Variants in RAB6B observed in about 807,000 individuals in gnomAD.
The protein encoded by RAB6B is RAB6B, member RAS oncogene family, also known as ras-related protein Rab-6B.
RAB6B carries 7 observed loss-of-function variants against 31.2 expected under a neutral mutation model. That is an observed-to-expected ratio of 0.22 (90% confidence interval 0.13 to 0.42). The LOEUF (loss-of-function observed/expected upper bound fraction) is 0.42. Among genes scored for constraint, RAB6B ranks in the 10% least tolerant of loss-of-function variants. The pLI, the probability that RAB6B is intolerant of heterozygous loss-of-function variation, is 1.00. For missense variants in RAB6B, 149 were observed against 280.6 expected, an observed-to-expected ratio of 0.53 and a Z score of 3.35; for synonymous variants, 105 against 104.9, an observed-to-expected ratio of 1.00 and a Z score of -0.01.
intron 1 of RAB6B, among the ~76,000 whole-genome samples, chr3:133,881,019 T>A (rs1175493913): frequency 6.6e-6 from 1 of 152,242 alleles, no homozygotes; most frequent in Non-Finnish European, 1.5e-5. Flanking sequence ...AGGCCCACTG[T>A]GTCTCTAGCC....
Position 133,864,603 on chromosome 3 carries a change from C to G in RAB6B, c.110G>C (p.Ser37Thr). ...CCTCACCTGGTATGTGTTGTCGAAG[C>G]TGTCGTACATGAACCTCGTAATCAG... ...TSLITRFMYD[S>T]FDNTYQATIG... Residue 37 changes from serine (S) to threonine (T), a missense_variant, in exon 2 of 8, where the codon AGC becomes ACC. Ser to Thr is a moderately conservative substitution (Grantham distance 58, BLOSUM62 1). Coordinates refer to ENST00000285208, the MANE Select transcript of RAB6B (RefSeq NM_016577.4). The G allele has an allele frequency of 1.9e-6, 3 of 1,614,192 alleles. No homozygotes were observed. The highest frequency in any genetic ancestry group is 2.5e-6 in the Non-Finnish European group (3 of 1,180,012).
chr3:133,846,596 A>G (rs1318456620), intron 2 of RAB6B, among the ~76,000 whole-genome samples: 2 of 152,224 alleles, frequency 1.3e-5, no homozygotes, highest in Non-Finnish European at 2.9e-5. Flanking sequence ...TGAACCTAAA[A>G]CAGGATAAAT....
intron 6 of RAB6B, among the ~76,000 whole-genome samples, chr3:133,836,715 T>G (rs996930964): frequency 2.6e-5 from 4 of 152,056 alleles, no homozygotes; most frequent in African/African-American, 9.7e-5. Flanking sequence ...CAGTCTCTCC[T>G]GCATGCCCCC....
At position 133,895,614 on chromosome 3, in the gene RAB6B, G is replaced by A; in HGVS notation, c.-148C>T. The A allele has an allele frequency of 1.4e-6, 1 of 710,916 alleles. No individual in the cohort carries two copies. The highest frequency in any genetic ancestry group is 2.3e-6 in the Non-Finnish European group (1 of 425,712). The allele number at this position is 710,916 out of a possible 1,614,324, so 44.0% of individuals were successfully genotyped here. A position where few individuals can be genotyped will look rare whatever the true frequency, so the allele number is the denominator to read the frequency against. On this transcript the variant is annotated 5_prime_UTR_variant, in exon 1 of 8. It adds an upstream start codon to the 5' untranslated region. Transcript: ENST00000285208. ...CGCGCGTCCCTGACTCCCCAGCTGC[G>A]TCCCGGTCCCGGCCTGCGGCTGCGT...
chr3:133,844,892 A>T (rs560866313), intron 2 of RAB6B, among the ~76,000 whole-genome samples: 1 of 152,100 alleles, frequency 6.6e-6, no homozygotes, highest in African/African-American at 2.4e-5. Flanking sequence ...GCAGTGAGCC[A>T]TGATGACACT....
chr3:133,853,163 A>T (rs1020922904), intron 2 of RAB6B, among the ~76,000 whole-genome samples: 12 of 151,964 alleles, frequency 7.9e-5, no homozygotes, highest in African/African-American at 2.7e-4. Context: ...ATTTCCTGTG[A>T]CCTGCCACAG....
At chr3:133,872,551 A>G (rs1346076799) in intron 1 of RAB6B, among the ~76,000 whole-genome samples, 1 of 152,232 alleles carries the variant, frequency 6.6e-6, no homozygotes, top group Admixed American at 6.5e-5. Flanking sequence ...CACCAAACAG[A>G]AAGTCCAGCC....
chr3:133,839,482 G>A, intron 5 of RAB6B, 24 bp downstream of exon 5: 1 of 1,573,512 alleles, frequency 6.4e-7, no homozygotes, highest in Non-Finnish European at 8.7e-7. Context: ...GTGGCACCCT[G>A]CACCTGTGTG....
intron 1 of RAB6B, among the ~76,000 whole-genome samples, chr3:133,891,153 C>T (rs1936632945): frequency 6.6e-6 from 1 of 152,124 alleles, no homozygotes; most frequent in African/African-American, 2.4e-5. Context: ...ATGGGTCAGG[C>T]TGCGGGCAGA....
At chr3:133,875,927 C>G (rs1006402127) in intron 1 of RAB6B, among the ~76,000 whole-genome samples, 1 of 152,186 alleles carries the variant, frequency 6.6e-6, no homozygotes, top group African/African-American at 2.4e-5. Context: ...AGAGGCAGTA[C>G]TATCCGGCAT....
intron 1 of RAB6B, among the ~76,000 whole-genome samples, chr3:133,874,515 G>C (rs1256995156): frequency 6.6e-6 from 1 of 152,240 alleles, no homozygotes; most frequent in Non-Finnish European, 1.5e-5. Flanking sequence ...CATAGGACTG[G>C]AAGTCGTTCT....
intron 4 of RAB6B, among the ~76,000 whole-genome samples, chr3:133,840,011 C>G (rs755442928): frequency 6.6e-6 from 1 of 151,978 alleles, no homozygotes; most frequent in African/African-American, 2.4e-5. Context: ...CACACATGCG[C>G]GCGCGACTTG....
At chr3:133,848,988 C>T (rs1482826816) in intron 2 of RAB6B, among the ~76,000 whole-genome samples, 1 of 152,178 alleles carries the variant, frequency 6.6e-6, no homozygotes, top group African/African-American at 2.4e-5. Context: ...ATTCTATGGA[C>T]TCATTCCCTC....
At chr3:133,861,084 G>A (rs1936154579) in intron 2 of RAB6B, among the ~76,000 whole-genome samples, 2 of 152,200 alleles carry the variant, frequency 1.3e-5, no homozygotes, top group African/African-American at 2.4e-5. Context: ...ATGAGTACAG[G>A]TTTCACACAG....
chr3:133,886,935 G>A (rs1313804314), intron 1 of RAB6B, among the ~76,000 whole-genome samples: 1 of 150,748 alleles, frequency 6.6e-6, no homozygotes, highest in Non-Finnish European at 1.5e-5. Context: ...CACAGGTGGT[G>A]CCATTGCACA....
At chr3:133,893,186 C>A (rs1936659967) in intron 1 of RAB6B, among the ~76,000 whole-genome samples, 1 of 152,238 alleles carries the variant, frequency 6.6e-6, no homozygotes, top group Admixed American at 6.5e-5. Flanking sequence ...TGGACAGAAG[C>A]AACCCTTACT....
chr3:133,858,971 T>G (rs1936121177), intron 2 of RAB6B, among the ~76,000 whole-genome samples: 1 of 152,162 alleles, frequency 6.6e-6, no homozygotes, highest in Non-Finnish European at 1.5e-5. Context: ...TATGTATGTA[T>G]GTATTTATTA....
intron 6 of RAB6B, among the ~76,000 whole-genome samples, chr3:133,837,885 A>G (rs1014973427): frequency 6.6e-6 from 1 of 151,994 alleles, no homozygotes; most frequent in Admixed American, 6.6e-5. Flanking sequence ...GTGGCTGGAC[A>G]CTCTTAGGGC....
chr3:133,830,986 G>T (rs1229484200), intron 7 of RAB6B, among the ~76,000 whole-genome samples: 1 of 152,238 alleles, frequency 6.6e-6, no homozygotes, highest in African/African-American at 2.4e-5. Flanking sequence ...GGGGAGGGGA[G>T]GGAAGGGCTA....
Sources: gnomAD v4.1 joint callset for allele counts (sites outside exome capture counted in the v4.1 genomes callset) on GRCh38, gnomAD v4.1.1 for gene constraint, MANE v1.5 for transcripts, NCBI Gene and HGNC (gene_info 2026-07-23, HGNC 2026-07-21) for gene names.